The following MAGI1 variants were observed in gnomAD, a reference collection of about 807,000 sequenced individuals.
MAGI1 encodes the protein membrane associated guanylate kinase, WW and PDZ domain containing 1, also known as membrane-associated guanylate kinase, WW and PDZ domain-containing protein 1.
Under a neutral mutation model 139.9 loss-of-function variants are expected in MAGI1, and 58 were observed. The ratio of observed to expected loss-of-function variants is 0.41; its 90% CI spans 0.34 to 0.52. The LOEUF (loss-of-function observed/expected upper bound fraction) is 0.52. MAGI1 is among the 20% of genes least tolerant of loss of function. The pLI is 0.12. For synonymous variants in MAGI1, 812 were observed against 737.9 expected (o/e 1.10, Z -1.63); for missense variants, 1,874 against 1,901.6 (o/e 0.99, Z 0.27).
intron 1 of MAGI1, among the ~76,000 whole-genome samples, chr3:65,679,517 C>T (rs904749120): frequency 6.6e-6 from 1 of 152,030 alleles, no homozygotes; most frequent in East Asian, 1.9e-4. Context: ...GAGCCAAGAT[C>T]ATGCCACTGC....
At position 65,453,093 on chromosome 3, in the gene MAGI1, T is replaced by G. The variant is rs1949139976; in HGVS notation, c.1042+165A>C. ...ACAAATTCTTCTCTTGAAACAACTC[T>G]GACTTTCTTCCTGCTTTTGTAAACC... On this transcript the variant is annotated intron_variant, in intron 6 of 22. Coordinates refer to ENST00000402939, the MANE Select transcript of MAGI1 (RefSeq NM_001033057.2). 3 of 624,928 alleles carry G rather than the reference T, an allele frequency of 4.8e-6. No individual in the cohort carries two copies. The South Asian group carries it at 5.9e-5, about 12-fold the overall frequency. 38.7% of individuals were successfully genotyped at this position (624,928 alleles called of 1,614,324 possible). A position where few individuals can be genotyped will look rare whatever the true frequency, so the allele number is the denominator to read the frequency against.
At chr3:65,847,963 A>G (rs2059065337) in intron 1 of MAGI1, among the ~76,000 whole-genome samples, 1 of 152,150 alleles carries the variant, frequency 6.6e-6, no homozygotes, top group African/African-American at 2.4e-5. Context: ...TGAGTCCAGG[A>G]GTTTGAGTCC....
intron 2 of MAGI1, among the ~76,000 whole-genome samples, chr3:65,601,449 A>G (rs1236031414): frequency 6.6e-6 from 1 of 152,204 alleles, no homozygotes; most frequent in Non-Finnish European, 1.5e-5. Flanking sequence ...CCTTAAATGC[A>G]TTTATTAGAG....
chr3:65,726,511 T>C lies in MAGI1; in HGVS notation c.314-104423A>G, dbSNP rs1286504761. 3.3e-5 allele frequency among the ~76,000 whole-genome samples: 5 copies of C among 152,226 alleles called. No homozygotes were observed. In the East Asian group the frequency reaches 7.7e-4, roughly 23 times the overall value. On this transcript the variant is annotated intron_variant, in intron 1 of 22. Transcript: ENST00000402939. ...ATATATTGCCCTATTTTTGTGGTTA[T>C]GTTGAGGTATCAAGTTTCTGCAGCA...
At chr3:65,380,181 A>T (rs1449470479) in intron 16 of MAGI1, among the ~76,000 whole-genome samples, 1 of 152,208 alleles carries the variant, frequency 6.6e-6, no homozygotes, top group Admixed American at 6.5e-5. Flanking sequence ...TTCTGAATTT[A>T]GTCACCGTTC....
chr3:65,523,075 A>G (rs552459363), intron 2 of MAGI1, among the ~76,000 whole-genome samples: 1 of 152,278 alleles, frequency 6.6e-6, no homozygotes, highest in South Asian at 2.1e-4. Context: ...TGATCTCCTC[A>G]ACCAGAATGT....
chr3:65,363,359 T>C, intron 21 of MAGI1, 106 bp downstream of exon 21: 1 of 1,315,094 alleles, frequency 7.6e-7, no homozygotes, highest in Admixed American at 2.5e-5. Flanking sequence ...TCATGAAAGC[T>C]ATAGAAAATG....
At chr3:65,527,332 C>T (rs530940992) in intron 2 of MAGI1, among the ~76,000 whole-genome samples, 1 of 152,310 alleles carries the variant, frequency 6.6e-6, no homozygotes, top group African/African-American at 2.4e-5. Flanking sequence ...ATAATCCCAG[C>T]ACTTTGGGAG....
chr3:65,811,756 A>T (rs1393502131), intron 1 of MAGI1, among the ~76,000 whole-genome samples: 2 of 152,030 alleles, frequency 1.3e-5, no homozygotes, highest in Non-Finnish European at 2.9e-5. Flanking sequence ...TTTCAGGTCC[A>T]TTCCTAAGTA....
intron 2 of MAGI1, among the ~76,000 whole-genome samples, chr3:65,541,356 A>C (rs2079212073): frequency 6.6e-6 from 1 of 152,206 alleles, no homozygotes; most frequent in Non-Finnish European, 1.5e-5. Context: ...AGAAGAGCTG[A>C]TACCATTGCT....
intron 12 of MAGI1, among the ~76,000 whole-genome samples, chr3:65,404,659 G>T (rs1945190119): frequency 6.6e-6 from 1 of 152,154 alleles, no homozygotes; most frequent in Admixed American, 6.6e-5. Context: ...AACCTTACTA[G>T]TTTATAATTT....
chr3:65,918,379 ATTTTTTTT>A (rs34906725), intron 1 of MAGI1, among the ~76,000 whole-genome samples: 1 of 128,694 alleles, frequency 7.8e-6, no homozygotes, highest in Admixed American at 8.5e-5. Context: ...GCTCCAAAAC[ATTTTTTTT>A]TTTTTTTTTT....
chr3:65,562,453 T>C (rs2080403812), intron 2 of MAGI1, among the ~76,000 whole-genome samples: 1 of 152,190 alleles, frequency 6.6e-6, no homozygotes, highest in African/African-American at 2.4e-5. Context: ...ATAGGACTCT[T>C]GGCTTGTTTT....
At chr3:65,591,617 A>G (rs147381570) in intron 2 of MAGI1, among the ~76,000 whole-genome samples, 7 of 152,140 alleles carry the variant, frequency 4.6e-5, no homozygotes, top group South Asian at 2.1e-4. Context: ...AATGGCTCCT[A>G]TTTCATTCTG....
chr3:65,545,757 C>T (rs1017883447), intron 2 of MAGI1, among the ~76,000 whole-genome samples: 17 of 151,900 alleles, frequency 1.1e-4, no homozygotes, highest in Admixed American at 7.2e-4. Context: ...TATAGGAATT[C>T]CATCTAGTAG....
rs145755435 is a variant in MAGI1, at chr3:65,701,522, G to A, written c.314-79434C>T. On this transcript the variant is annotated intron_variant, in intron 1 of 22. Coordinates refer to ENST00000402939, the MANE Select transcript of MAGI1 (RefSeq NM_001033057.2). The stretch of plus-strand genomic sequence containing the variant: ...CCTGCCTCGACCTCCCAAAATGCTA[G>A]GATTACAGCCGTGAGTCACCGCGCC... 3.3e-3 allele frequency among the ~76,000 whole-genome samples: 497 copies of A among 152,234 alleles called. 4 individuals carry two copies. The highest frequency in any genetic ancestry group is 0.026 in the East Asian group (134 of 5,180).
rs534226111 is a variant in MAGI1, at chr3:65,652,906, G to A, written c.314-30818C>T. Among the ~76,000 whole-genome samples, 4 of 152,124 alleles carry A rather than the reference G, an allele frequency of 2.6e-5. No homozygotes were observed. In the South Asian group the frequency reaches 8.3e-4, roughly 32 times the overall value. On this transcript the variant is annotated intron_variant, in intron 1 of 22. Coordinates refer to ENST00000402939, the MANE Select transcript of MAGI1 (RefSeq NM_001033057.2). ...AGAAAGCCATGATGCCCAAAACTTC[G>A]GACAAGAAAGCTATAGTCCTGGCCT...
At chr3:66,032,999 G>A (rs2068720277) in intron 1 of MAGI1, among the ~76,000 whole-genome samples, 1 of 151,738 alleles carries the variant, frequency 6.6e-6, no homozygotes, top group Admixed American at 6.6e-5. Context: ...CAAACAGGGT[G>A]AGGGAATGGC....
chr3:65,582,129 A>G (rs2081456781), intron 2 of MAGI1, among the ~76,000 whole-genome samples: 1 of 152,214 alleles, frequency 6.6e-6, no homozygotes, highest in Non-Finnish European at 1.5e-5. Flanking sequence ...TGTTTTAGAC[A>G]TGATTATAGG....
Sources: gnomAD v4.1 joint callset for allele counts (sites outside exome capture counted in the v4.1 genomes callset) on GRCh38, gnomAD v4.1.1 for gene constraint, MANE v1.5 for transcripts, NCBI Gene and HGNC (gene_info 2026-07-23, HGNC 2026-07-21) for gene names.